ATL1: variants seen among roughly 807,000 people sequenced by gnomAD.
The protein encoded by ATL1 is atlastin GTPase 1, also known as atlastin-1.
ATL1 carries 31 observed loss-of-function variants against 75.5 expected under a neutral mutation model. The observed-to-expected ratio is 0.41, with a 90% CI of 0.31 to 0.55. The LOEUF (loss-of-function observed/expected upper bound fraction) is 0.55, where lower values mean the gene tolerates loss of function less well. ATL1 is among the 20% of genes least tolerant of loss of function. The probability of loss-of-function intolerance (pLI) is 0.27; values close to 1 mark genes in which losing one functional copy is unlikely to be tolerated. For synonymous variants in ATL1, 226 were observed against 233.3 expected (o/e 0.97, Z 0.28); for missense variants, 405 against 662.6 (o/e 0.61, Z 4.27).
chr14:50,591,744 C>A, intron 4 of ATL1, 105 bp downstream of exon 4: 2 of 835,312 alleles, frequency 2.4e-6, no homozygotes, highest in South Asian at 1.5e-5. Context: ...AATTGGGAAT[C>A]ATATATATTG....
At chr14:50,558,650 CT>C (rs1163354559), upstream of ATL1, among the ~76,000 whole-genome samples, 9 of 151,964 alleles carry the variant, frequency 5.9e-5, no homozygotes, top group Non-Finnish European at 5.9e-5. Flanking sequence ...TAAATTTTTT[CT>C]TTTTTGTGTG....
At chr14:50,589,466 G>GT (rs1234559766) in intron 2 of ATL1, among the ~76,000 whole-genome samples, 1 of 152,038 alleles carries the variant, frequency 6.6e-6, no homozygotes, top group Non-Finnish European at 1.5e-5. Context: ...CCTGATCGAC[G>GT]TATTTCTAAG....
At position 50,560,231 on chromosome 14, in the gene ATL1, G is replaced by A; in HGVS notation, c.-35G>A. 1 of 1,613,038 alleles carries A rather than the reference G, an allele frequency of 6.2e-7. No homozygotes were observed. Among genetic ancestry groups the A allele is most frequent in the Non-Finnish European group, 8.5e-7 (1 of 1,179,456 alleles). On this transcript the variant is annotated 5_prime_UTR_variant, in exon 1 of 14. Transcript: ENST00000358385. ...CCCCGGAGAAGGCAGCGAGCGCAGT[G>A]ACAGCGCCTCACCGCCACCAGCTCC...
chr14:50,628,574 T>C, intron 12 of ATL1, 112 bp downstream of exon 12: 1 of 1,128,718 alleles, frequency 8.9e-7, no homozygotes, highest in Admixed American at 2.0e-5. Context: ...TGGGCCCCAG[T>C]CATCAAGAAT....
At chr14:50,596,644 A>G (rs948375175) in intron 6 of ATL1, among the ~76,000 whole-genome samples, 3 of 152,236 alleles carry the variant, frequency 2.0e-5, no homozygotes, top group Non-Finnish European at 2.9e-5. Context: ...CTGTCATCAT[A>G]GGACAATTTA....
intron 1 of ATL1, among the ~76,000 whole-genome samples, chr14:50,583,788 G>GT: frequency 6.6e-6 from 1 of 152,286 alleles, no homozygotes; most frequent in South Asian, 2.1e-4. Flanking sequence ...AACTTTTTAT[G>GT]AAGCTATTTT....
At chr14:50,587,393 T>C (rs1223099923) in intron 1 of ATL1, among the ~76,000 whole-genome samples, 1 of 152,024 alleles carries the variant, frequency 6.6e-6, no homozygotes, top group Admixed American at 6.6e-5. Context: ...AAACAAACAT[T>C]TCTTTTCTTT....
At chr14:50,613,855 G>A (rs925101431) in intron 7 of ATL1, among the ~76,000 whole-genome samples, 1 of 152,154 alleles carries the variant, frequency 6.6e-6, no homozygotes, top group Non-Finnish European at 1.5e-5. Flanking sequence ...ATAAAAGTTT[G>A]TCTGTATTAA....
At chr14:50,563,396 G>C (rs2038870583) in intron 1 of ATL1, among the ~76,000 whole-genome samples, 1 of 152,174 alleles carries the variant, frequency 6.6e-6, no homozygotes. Flanking sequence ...GATCCTTGTA[G>C]TAGACAGAGG....
intron 3 of ATL1, 28 bp downstream of exon 3, chr14:50,591,103 TGA>T: frequency 5.6e-6 from 9 of 1,607,550 alleles, no homozygotes; most frequent in Non-Finnish European, 7.7e-6. Context: ...TAAATAAAAT[TGA>T]GTTTTCACTT....
chr14:50,545,105 G>T (rs1265743222), intron 1 of ATL1, among the ~76,000 whole-genome samples: 1 of 152,166 alleles, frequency 6.6e-6, no homozygotes, highest in African/African-American at 2.4e-5. Flanking sequence ...AAACATCATG[G>T]AGAGTATCTG....
intron 1 of ATL1, chr14:50,542,672 T>TG (rs2038580783): frequency 6.6e-6 from 1 of 152,028 alleles, no homozygotes; most frequent in Non-Finnish European, 1.5e-5. Context: ...CAACCCATTA[T>TG]CTATAGGCTC....
At chr14:50,607,451 G>A (rs1451264087) in intron 6 of ATL1, among the ~76,000 whole-genome samples, 2 of 152,016 alleles carry the variant, frequency 1.3e-5, no homozygotes, top group Non-Finnish European at 2.9e-5. Flanking sequence ...TATGTCTTTT[G>A]TTAAATGTGT....
At chr14:50,535,371 C>G (rs2038478444) in intron 1 of ATL1, among the ~76,000 whole-genome samples, 1 of 152,180 alleles carries the variant, frequency 6.6e-6, no homozygotes, top group South Asian at 2.1e-4. Context: ...TGTGAAAGGA[C>G]AGAGCATAAG....
intron 6 of ATL1, among the ~76,000 whole-genome samples, chr14:50,601,905 C>T (rs2039274995): frequency 6.6e-6 from 1 of 152,006 alleles, no homozygotes; most frequent in African/African-American, 2.4e-5. Context: ...GTAATAACAC[C>T]CAGTTTGCTC....
Position 50,587,973 on chromosome 14 carries a change from G to A in ATL1, c.177G>A (p.Ser59=), listed in dbSNP as rs201580688. ...DETALNRILL[S]EAVRDKEVVA... is the part of the protein sequence containing the mutation. ...CTGCATTAAATCGGATCCTTCTCTC[G>A]GAGGCTGTCAGAGACAAGGAGGTTG... The change falls in exon 2 of 14, where the codon TCG becomes TCA. Residue 59 remains serine, a synonymous_variant. Coordinates refer to ENST00000358385, the MANE Select transcript of ATL1 (RefSeq NM_015915.5). 12 of 1,614,164 alleles carry A rather than the reference G, an allele frequency of 7.4e-6. No individual in the cohort carries two copies. The highest frequency in any genetic ancestry group is 6.7e-5 in the African/African-American group (5 of 75,026).
intron 1 of ATL1, among the ~76,000 whole-genome samples, chr14:50,584,712 A>T (rs981722035): frequency 4.6e-5 from 7 of 151,788 alleles, no homozygotes; most frequent in African/African-American, 7.2e-5. Context: ...CTGTCTCAAA[A>T]AAATAAATAA....
At chr14:50,584,052 A>C (rs1253238340) in intron 1 of ATL1, among the ~76,000 whole-genome samples, 1 of 152,216 alleles carries the variant, frequency 6.6e-6, no homozygotes, top group East Asian at 1.9e-4. Context: ...CTGATGGACT[A>C]GGAACTTAAG....
At chr14:50,534,893 T>G (rs2038473339) in intron 1 of ATL1, among the ~76,000 whole-genome samples, 1 of 152,206 alleles carries the variant, frequency 6.6e-6, no homozygotes, top group African/African-American at 2.4e-5. Flanking sequence ...GTACACTGAG[T>G]AAATTTAATT....
Sources: allele counts gnomAD v4.1 joint callset (sites outside exome capture counted in the v4.1 genomes callset), GRCh38; gene constraint gnomAD v4.1.1; transcripts MANE v1.5; gene names NCBI Gene and HGNC (gene_info 2026-07-23, HGNC 2026-07-21).